CDK5RAP2: variants seen among roughly 807,000 people sequenced by gnomAD.
The protein encoded by CDK5RAP2 is CDK5 regulatory subunit-associated protein 2.
In CDK5RAP2, 147 loss-of-function variants were observed where a neutral mutation model predicts 232.9. The ratio of observed to expected loss-of-function variants is 0.63; its 90% CI spans 0.55 to 0.72. The LOEUF is 0.72. Among genes scored for constraint, CDK5RAP2 ranks in the 30% least tolerant of loss-of-function variants. The pLI is 0.00. For synonymous variants in CDK5RAP2, 833 were observed against 833.7 expected (o/e 1.00, Z 0.01); for missense variants, 2,195 against 2,231.5 (o/e 0.98, Z 0.33).
In CDK5RAP2 at chr9:120,506,806, A is replaced by T. The variant is rs187707709; in HGVS notation, c.1311+11621T>A. ...AATTACTTCTTATGAATGGGCAAAG[A>T]AAGTAGTTTGTTGAGATGGAAACTT... On this transcript the variant is annotated intron_variant, in intron 12 of 37. Coordinates refer to ENST00000349780, the MANE Select transcript of CDK5RAP2 (RefSeq NM_018249.6). Among the ~76,000 whole-genome samples the T allele has an allele frequency of 4.0e-3, 613 of 152,330 alleles. 2 individuals are homozygous for T. The highest frequency in any genetic ancestry group is 0.011 in the Admixed American group (169 of 15,306).
At chr9:120,432,482 C>T (rs1368752661) in intron 25 of CDK5RAP2, among the ~76,000 whole-genome samples, 1 of 152,068 alleles carries the variant, frequency 6.6e-6, no homozygotes, top group African/African-American at 2.4e-5. Flanking sequence ...ATGACTGCCT[C>T]GAATATAAAA....
At chr9:120,522,323 C>T (rs1055094511) in intron 11 of CDK5RAP2, among the ~76,000 whole-genome samples, 1 of 152,138 alleles carries the variant, frequency 6.6e-6, no homozygotes, top group Non-Finnish European at 1.5e-5. Context: ...TGTAAATCCA[C>T]AATTATCTCA....
chr9:120,514,639 C>G (rs1452136204), intron 12 of CDK5RAP2, among the ~76,000 whole-genome samples: 1 of 152,166 alleles, frequency 6.6e-6, no homozygotes, highest in Non-Finnish European at 1.5e-5. Flanking sequence ...TGTTCCAGTG[C>G]CCCGTCCTTC....
chr9:120,565,713 T>C (rs2042623381), intron 3 of CDK5RAP2, among the ~76,000 whole-genome samples: 1 of 152,182 alleles, frequency 6.6e-6, no homozygotes. Context: ...CTCTCCCCAC[T>C]TGACCAAACC....
intron 11 of CDK5RAP2, among the ~76,000 whole-genome samples, 168 bp downstream of exon 11, chr9:120,524,818 C>T (rs1049682967): frequency 2.0e-5 from 3 of 152,056 alleles, no homozygotes; most frequent in African/African-American, 7.2e-5. Flanking sequence ...GGAAAAGCTC[C>T]CAAATCTGGT....
chr9:120,562,357 C>T (rs746283207), intron 3 of CDK5RAP2, among the ~76,000 whole-genome samples: 6 of 152,150 alleles, frequency 3.9e-5, no homozygotes, highest in African/African-American at 4.8e-5. Context: ...GAACTCAGAG[C>T]GTTCAATCCA....
At chr9:120,398,873 C>A (rs1406592563) in intron 35 of CDK5RAP2, among the ~76,000 whole-genome samples, 1 of 152,056 alleles carries the variant, frequency 6.6e-6, no homozygotes, top group African/African-American at 2.4e-5. Flanking sequence ...AAGAGAAAAC[C>A]AGATAGTTCA....
intron 34 of CDK5RAP2, among the ~76,000 whole-genome samples, chr9:120,401,696 A>G (rs1273560372): frequency 6.6e-6 from 1 of 152,050 alleles, no homozygotes; most frequent in Non-Finnish European, 1.5e-5. Flanking sequence ...ATAAATGAAA[A>G]TATCTGGGCT....
intron 24 of CDK5RAP2, among the ~76,000 whole-genome samples, chr9:120,439,039 A>T (rs957661039): frequency 2.0e-5 from 3 of 152,198 alleles, no homozygotes; most frequent in African/African-American, 7.2e-5. Context: ...AAAAGCCAGT[A>T]ACAGAGTCCA....
At chr9:120,456,539 T>C (rs964763316) in intron 20 of CDK5RAP2, among the ~76,000 whole-genome samples, 1 of 152,134 alleles carries the variant, frequency 6.6e-6, no homozygotes. Context: ...CACACCAAAA[T>C]GGGGTTAACA....
chr9:120,498,723 A>G (rs1208854297), intron 12 of CDK5RAP2, among the ~76,000 whole-genome samples: 1 of 151,588 alleles, frequency 6.6e-6, no homozygotes, highest in East Asian at 1.9e-4. Flanking sequence ...CTTTAAATAT[A>G]TATATATATA....
At chr9:120,438,921 T>G (rs941147485) in intron 24 of CDK5RAP2, among the ~76,000 whole-genome samples, 4 of 152,230 alleles carry the variant, frequency 2.6e-5, no homozygotes, top group Non-Finnish European at 4.4e-5. Context: ...ATTCTTCTCT[T>G]TCAACACAAG....
intron 3 of CDK5RAP2, among the ~76,000 whole-genome samples, chr9:120,556,439 T>A (rs899423893): frequency 6.6e-6 from 1 of 152,024 alleles, no homozygotes; most frequent in Non-Finnish European, 1.5e-5. Flanking sequence ...ATACTTTTTT[T>A]TTTTTTTGAG....
chr9:120,409,072 C>G, intron 30 of CDK5RAP2, 55 bp downstream of exon 30: 1 of 1,527,586 alleles, frequency 6.5e-7, no homozygotes, highest in Middle Eastern at 2.3e-4. Flanking sequence ...GACTGCAGCC[C>G]AGTGCCTGCA....
rs10984922 is a variant in CDK5RAP2, at chr9:120,472,144, C to T, written c.1728-266G>A. 0.12 allele frequency among the ~76,000 whole-genome samples: 18,004 copies of T among 152,238 alleles called. 1,273 individuals are homozygous for T. Among genetic ancestry groups the T allele is most frequent in the Middle Eastern group, 0.2 (58 of 294 alleles). On this transcript the variant is annotated intron_variant, in intron 15 of 37. Coordinates refer to ENST00000349780, the MANE Select transcript of CDK5RAP2 (RefSeq NM_018249.6). The stretch of plus-strand genomic sequence containing the variant: ...CGTAATTTACATGGCTGAAATAATA[C>T]TAGACATACAATGCTGATATGCATT...
rs538665202 is a variant in CDK5RAP2 at position 120,394,696 on chromosome 9, G to A, written c.5452-58C>T. The A allele has an allele frequency of 2.5e-4, 326 of 1,329,082 alleles. 1 individual carries two copies. The highest frequency in any genetic ancestry group is 2.5e-4 in the Admixed American group (15 of 58,828). 82.3% of individuals were successfully genotyped at this position (1,329,082 alleles called of 1,614,324 possible). A position where few individuals can be genotyped will look rare whatever the true frequency, so the allele number is the denominator to read the frequency against. On this transcript the variant is annotated intron_variant, in intron 35 of 37. Transcript: ENST00000349780. ...AGAACATAAACATCATGTTACACAGGAAGAATTACAAAGCCATATAAAAAG... is the reference window on the plus strand; with the variant it reads ...AGAACATAAACATCATGTTACACAGAAAGAATTACAAAGCCATATAAAAAG...
chr9:120,440,386 C>T (rs186329937), intron 23 of CDK5RAP2: 139 of 269,004 alleles, frequency 5.2e-4, no homozygotes, highest in Admixed American at 1.0e-3. Flanking sequence ...TGATTCCCTG[C>T]ACATTGCGTG....
rs1279786117 is a variant in CDK5RAP2, at chr9:120,403,458, G to A, written c.5042-387C>T. The A allele has an allele frequency of 6.5e-6, 2 of 307,632 alleles. No homozygotes were observed. Among genetic ancestry groups the A allele is most frequent in the Non-Finnish European group, 1.2e-5 (2 of 162,082 alleles). The allele number at this position is 307,632 out of a possible 1,614,324, so 19.1% of individuals were successfully genotyped here. On this transcript the variant is annotated intron_variant, in intron 33 of 37. Coordinates refer to ENST00000349780, the MANE Select transcript of CDK5RAP2 (RefSeq NM_018249.6). The surrounding 1 kb of genome is among the most constrained non-coding windows in gnomAD (Gnocchi z 4.2). ...CCAGAGCCAGAAAAAACAATTATCT[G>A]TGCAGGGAGGGAGAGAACAGGGAAG... is the stretch of plus-strand genomic sequence containing the variant.
At chr9:120,508,237 G>A (rs1418702120) in intron 12 of CDK5RAP2, among the ~76,000 whole-genome samples, 4 of 152,072 alleles carry the variant, frequency 2.6e-5, no homozygotes, top group African/African-American at 4.8e-5. Flanking sequence ...GATGTAAGGA[G>A]AATTTCCAGA....
Sources: gnomAD v4.1 joint callset for allele counts (sites outside exome capture counted in the v4.1 genomes callset) on GRCh38, gnomAD v4.1.1 for gene constraint, Gnocchi (gnomAD v3.1) non-coding constraint, MANE v1.5 for transcripts, NCBI Gene and HGNC (gene_info 2026-07-23, HGNC 2026-07-21) for gene names.